Variants in ACO2 observed in about 807,000 individuals in gnomAD.
ACO2 encodes aconitase 2.
ACO2 carries 31 observed loss-of-function variants against 84.5 expected under a neutral mutation model. The ratio of observed to expected loss-of-function variants is 0.37; its 90% confidence interval spans 0.28 to 0.50. The LOEUF (loss-of-function observed/expected upper bound fraction) is 0.50, where lower values mean the gene tolerates loss of function less well. ACO2 is among the 20% of genes least tolerant of loss of function. ACO2 has a pLI of 0.97. For synonymous variants in ACO2, 414 were observed against 412.7 expected (o/e 1.00, Z -0.04); for missense variants, 685 against 1,029.3 (o/e 0.67, Z 4.58).
chr22:41,473,569 C>T (rs1439753361), intron 1 of ACO2, among the ~76,000 whole-genome samples: 1 of 152,120 alleles, frequency 6.6e-6, no homozygotes, highest in Admixed American at 6.5e-5. Flanking sequence ...ACTGGGGGTG[C>T]AGTAGTGAAC....
chr22:41,517,759 C>T, intron 7 of ACO2, 128 bp downstream of exon 7: 1 of 783,270 alleles, frequency 1.3e-6, no homozygotes, highest in Non-Finnish European at 2.1e-6. Flanking sequence ...GCGTCCGAGG[C>T]TCTGAGAAAG....
chr22:41,501,374 G>A (rs1673133919), intron 2 of ACO2, among the ~76,000 whole-genome samples: 2 of 152,132 alleles, frequency 1.3e-5, no homozygotes, highest in South Asian at 4.1e-4. Context: ...AGTCAGCTCT[G>A]CCCTGCTGTC....
Position 41,525,198 on chromosome 22 carries a change from T to C in ACO2, c.1611T>C (p.Phe537=). The part of the protein sequence containing the change: ...PDADELPKGE[F]DPGQDTYQHP... ...ATCCCCATTCCCTGCTGCAGGAGTT[T>C]GACCCAGGGCAGGACACCTACCAGC... Residue 537 remains phenylalanine (F), a synonymous_variant, in exon 14 of 18, where the codon TTT becomes TTC. Transcript: ENST00000216254. The C allele has an allele frequency of 6.2e-7, 1 of 1,613,872 alleles. No homozygotes were observed. Among genetic ancestry groups the C allele is most frequent in the Non-Finnish European group, 8.5e-7 (1 of 1,179,824 alleles).
intron 2 of ACO2, among the ~76,000 whole-genome samples, chr22:41,506,766 A>G (rs1482487958): frequency 6.6e-6 from 1 of 152,136 alleles, no homozygotes; most frequent in Admixed American, 6.5e-5. Flanking sequence ...AGAGCCTGTC[A>G]GGTGTGGGTT....
chr22:41,526,839 A>G, intron 15 of ACO2: 1 of 292,356 alleles, frequency 3.4e-6, no homozygotes, highest in Middle Eastern at 1.1e-3. Context: ...TTGAGAAACA[A>G]ACAGAACCAG....
At chr22:41,512,212 T>A in intron 4 of ACO2, 1 of 431,368 alleles carries the variant, frequency 2.3e-6, no homozygotes, top group Non-Finnish European at 4.1e-6. Context: ...GCATTTTAAG[T>A]GCGACATGTT....
At chr22:41,472,352 CAAAAAA>C (rs1304914957) in intron 1 of ACO2, among the ~76,000 whole-genome samples, 4 of 74,232 alleles carry the variant, frequency 5.4e-5, no homozygotes, top group Middle Eastern at 8.8e-3. Context: ...GACTCCGTCT[CAAAAAA>C]AAAAAAAAAA....
At chr22:41,490,344 C>A (rs1250278195) in intron 1 of ACO2, among the ~76,000 whole-genome samples, 1 of 152,082 alleles carries the variant, frequency 6.6e-6, no homozygotes, top group East Asian at 1.9e-4. Context: ...AAATTGTGGT[C>A]AAATCTAACA....
chr22:41,508,732 G>A (rs2066412530), intron 3 of ACO2, among the ~76,000 whole-genome samples: 1 of 152,196 alleles, frequency 6.6e-6, no homozygotes, highest in African/African-American at 2.4e-5. Flanking sequence ...TCGGCTTGTG[G>A]GACCTTTGTG....
chr22:41,503,366 G>A lies in ACO2; in HGVS notation c.173+3504G>A, dbSNP rs138815084. Among the ~76,000 whole-genome samples the A allele has an allele frequency of 3.8e-3, 575 of 151,278 alleles. 3 individuals carry two copies. Among genetic ancestry groups the A allele is most frequent in the African/African-American group, 0.013 (548 of 41,184 alleles). ...TTTTGAAACGGAGTCTCGCTCTGTCGCCCAGGCTGGCTGGAGTACAGTGGA... is the reference window on the plus strand; with the variant it reads ...TTTTGAAACGGAGTCTCGCTCTGTCACCCAGGCTGGCTGGAGTACAGTGGA... On this transcript the variant is annotated intron_variant, in intron 2 of 17. Coordinates refer to ENST00000216254, the MANE Select transcript of ACO2 (RefSeq NM_001098.3).
chr22:41,525,497 G>A (rs934469588), intron 14 of ACO2, 149 bp downstream of exon 14: 52 of 1,041,028 alleles, frequency 5.0e-5, no homozygotes, highest in Non-Finnish European at 7.0e-5. Flanking sequence ...GAGCAGAGAG[G>A]GTATCGCAAC....
intron 1 of ACO2, among the ~76,000 whole-genome samples, chr22:41,478,220 C>T (rs999619961): frequency 1.3e-5 from 2 of 152,084 alleles, no homozygotes; most frequent in Non-Finnish European, 2.9e-5. Flanking sequence ...TCACTGCAAC[C>T]TCCACCTCCT....
chr22:41,527,014 A>G (rs2066613183), intron 15 of ACO2: 1 of 528,382 alleles, frequency 1.9e-6, no homozygotes, highest in Non-Finnish European at 3.4e-6. Flanking sequence ...CCCTCCACAC[A>G]CACCTGCCTC....
At chr22:41,490,931 ATC>A (rs575088966) in intron 1 of ACO2, among the ~76,000 whole-genome samples, 140 of 151,980 alleles carry the variant, frequency 9.2e-4, no homozygotes, top group Non-Finnish European at 1.3e-3. Flanking sequence ...AACAGAGACA[ATC>A]TCTCCCTAGT....
chr22:41,516,651 T>C (rs1477474616), intron 6 of ACO2, among the ~76,000 whole-genome samples: 1 of 152,226 alleles, frequency 6.6e-6, no homozygotes, highest in Non-Finnish European at 1.5e-5. Context: ...TGGTAGCAGC[T>C]GCAGTACCTG....
intron 1 of ACO2, among the ~76,000 whole-genome samples, chr22:41,492,804 C>T (rs1453322816): frequency 6.6e-6 from 1 of 151,790 alleles, no homozygotes; most frequent in Non-Finnish European, 1.5e-5. Flanking sequence ...ATTAGCCAGG[C>T]GTCATGGCAG....
intron 1 of ACO2, among the ~76,000 whole-genome samples, chr22:41,488,725 T>C (rs910432532): frequency 2.0e-5 from 3 of 152,202 alleles, no homozygotes; most frequent in African/African-American, 7.2e-5. Flanking sequence ...GGTTTCTTCC[T>C]TGATACAGAT....
rs936986982 is a variant in ACO2, at chr22:41,482,730, C to G, written c.36+13548C>G. ...GGCCTGTCATGTGCCAGGCACTGGT[C>G]TAGGTTCTCTCCTTTCATCCTCACT... On this transcript the variant is annotated intron_variant, in intron 1 of 17. Coordinates refer to ENST00000216254, the MANE Select transcript of ACO2 (RefSeq NM_001098.3). Among the ~76,000 whole-genome samples, 3 of 152,280 alleles carry G rather than the reference C, an allele frequency of 2.0e-5. No individual in the cohort carries two copies. In the East Asian group the frequency reaches 5.8e-4, roughly 29 times the overall value.
At chr22:41,526,223 C>T (rs78733689) in intron 14 of ACO2, 39 bp from the exon 15 acceptor site, 1 of 1,585,230 alleles carries the variant, frequency 6.3e-7, no homozygotes, top group Non-Finnish European at 8.6e-7. Flanking sequence ...CCCTCCAGGG[C>T]CATGCCCTGA....
Sources: allele counts gnomAD v4.1 joint callset (sites outside exome capture counted in the v4.1 genomes callset), GRCh38; gene constraint gnomAD v4.1.1; transcripts MANE v1.5; gene names NCBI Gene and HGNC (gene_info 2026-07-23, HGNC 2026-07-21).